The following DGLUCY variants were observed in gnomAD, a reference collection of about 807,000 sequenced individuals.
The protein encoded by DGLUCY is D-glutamate cyclase.
In DGLUCY, 58 loss-of-function variants were observed where a neutral mutation model predicts 58.5. That is an observed-to-expected ratio of 0.99 (90% CI 0.80 to 1.23). The LOEUF is 1.23. DGLUCY is among the 50% of genes most tolerant of loss of function. DGLUCY has a pLI of 0.00. For missense variants in DGLUCY, 779 were observed against 784.7 expected, an observed-to-expected ratio of 0.99 and a Z score of 0.09; for synonymous variants, 325 against 314.1, an observed-to-expected ratio of 1.03 and a Z score of -0.37.
chr14:91,120,138 C>T (rs1296207714), intron 1 of DGLUCY, among the ~76,000 whole-genome samples: 1 of 152,108 alleles, frequency 6.6e-6, no homozygotes, highest in African/African-American at 2.4e-5. Flanking sequence ...CCTGTCCCAT[C>T]TAGAGAACCC....
chr14:91,139,185 G>T (rs1287975602), intron 1 of DGLUCY, among the ~76,000 whole-genome samples: 1 of 152,088 alleles, frequency 6.6e-6, no homozygotes, highest in Admixed American at 6.6e-5. Context: ...AGCACTGATG[G>T]GGCAAATCCC....
Position 91,132,824 on chromosome 14 carries a change from C to G in DGLUCY, c.-82+18541C>G, listed in dbSNP as rs572951574. ...ACTGCAACTCCTCAGTCATCCCTCC[C>G]TTCCCCCAGCCCCTGGCAACTACCA... is the stretch of plus-strand genomic sequence containing the variant. On this transcript the variant is annotated intron_variant, in intron 1 of 13. Transcript: ENST00000256324. Among the ~76,000 whole-genome samples the G allele has an allele frequency of 8.5e-5, 13 of 152,186 alleles. No homozygotes were observed. In the South Asian group the frequency reaches 2.7e-3, roughly 32 times the overall value.
chr14:91,151,188 T>G lies in DGLUCY; in HGVS notation c.-81-6451T>G, dbSNP rs190545526. ...TGAAGAATATTCTACTGTATGTATA[T>G]ACCACATTTTGTTTATCCATAATTT... On this transcript the variant is annotated intron_variant, in intron 1 of 13. Transcript: ENST00000256324. Among the ~76,000 whole-genome samples, 178 of 152,400 alleles carry G rather than the reference T, an allele frequency of 1.2e-3. 1 individual carries two copies. The highest frequency in any genetic ancestry group is 4.2e-3 in the African/African-American group (173 of 41,602).
chr14:91,101,992 C>G (rs889606863), intron 1 of DGLUCY, among the ~76,000 whole-genome samples: 1 of 152,076 alleles, frequency 6.6e-6, no homozygotes, highest in African/African-American at 2.4e-5. Context: ...TATGCCTGGC[C>G]TTAGTGTAGA....
At chr14:91,212,170 T>C (rs1450743101) in intron 12 of DGLUCY, among the ~76,000 whole-genome samples, 1 of 152,184 alleles carries the variant, frequency 6.6e-6, no homozygotes, top group African/African-American at 2.4e-5. Flanking sequence ...TAAGCTGGAC[T>C]TCACTAAAGT....
At chr14:91,133,492 T>C (rs941848974) in intron 1 of DGLUCY, among the ~76,000 whole-genome samples, 2 of 152,200 alleles carry the variant, frequency 1.3e-5, no homozygotes, top group African/African-American at 4.8e-5. Context: ...CCCATTCTTT[T>C]GGGTATATAC....
intron 1 of DGLUCY, among the ~76,000 whole-genome samples, chr14:91,081,761 A>G (rs1291772187): frequency 6.6e-6 from 1 of 151,494 alleles, no homozygotes; most frequent in Non-Finnish European, 1.5e-5. Flanking sequence ...TATTTTTCTC[A>G]GACAGAGTCT....
intron 12 of DGLUCY, among the ~76,000 whole-genome samples, chr14:91,206,338 C>T (rs28394008): frequency 1.4e-4 from 22 of 151,984 alleles, no homozygotes; most frequent in African/African-American, 3.9e-4. Flanking sequence ...TTCCCCTCCC[C>T]GACACATCTT....
In DGLUCY at chr14:91,141,553, A is replaced by ATTT. The variant is rs71120118; in HGVS notation, c.-81-16071_-81-16069dup. 2.0e-3 allele frequency among the ~76,000 whole-genome samples: 278 copies of ATTT among 138,098 alleles called. 5 individuals are homozygous for ATTT. The highest frequency in any genetic ancestry group is 0.011 in the South Asian group (49 of 4,384). The allele number at this position is 138,098 out of a possible 152,430, so 90.6% of individuals were successfully genotyped here. ...ATACAATGGATACTCAGAGAGGTTA[A>ATTT]TTTTTTTTTTTTTTTTTGAAGCGGA... On this transcript the variant is annotated intron_variant, in intron 1 of 13. Coordinates refer to ENST00000256324, the MANE Select transcript of DGLUCY (RefSeq NM_001102368.3).
intron 13 of DGLUCY, among the ~76,000 whole-genome samples, chr14:91,217,078 G>A (rs8020869): frequency 0.016 from 2,396 of 152,290 alleles, 74 homozygotes; most frequent in African/African-American, 0.055. Context: ...GATGGGACCT[G>A]CCCCTCTTGG....
chr14:91,164,753 G>A (rs1417391237), intron 3 of DGLUCY, among the ~76,000 whole-genome samples: 1 of 152,156 alleles, frequency 6.6e-6, no homozygotes, highest in African/African-American at 2.4e-5. Context: ...AATCACCCCT[G>A]TAGCCACCAC....
At chr14:91,060,768 G>C (rs1473092351) in intron 1 of DGLUCY, 4 of 213,686 alleles carry the variant, frequency 1.9e-5, no homozygotes, top group Non-Finnish European at 3.7e-5. Context: ...TGCCAACGCC[G>C]GTTCCCATTG....
At chr14:91,096,135 A>G (rs1160955318) in intron 1 of DGLUCY, among the ~76,000 whole-genome samples, 1 of 152,164 alleles carries the variant, frequency 6.6e-6, no homozygotes, top group South Asian at 2.1e-4. Flanking sequence ...CAAGTGGCCA[A>G]TTGAACCAGT....
At chr14:91,152,780 A>C (rs184185650) in intron 1 of DGLUCY, among the ~76,000 whole-genome samples, 8 of 152,326 alleles carry the variant, frequency 5.3e-5, no homozygotes, top group Admixed American at 5.2e-4. Flanking sequence ...TACAGAAACC[A>C]AAAATGGAGT....
intron 13 of DGLUCY, chr14:91,220,910 G>T: frequency 2.9e-6 from 1 of 349,458 alleles, no homozygotes; most frequent in Non-Finnish European, 5.7e-6. Flanking sequence ...GGAAGCTGAT[G>T]CCTGGGCAGG....
chr14:91,067,872 T>C (rs1377321602), intron 1 of DGLUCY, among the ~76,000 whole-genome samples: 1 of 152,078 alleles, frequency 6.6e-6, no homozygotes, highest in East Asian at 1.9e-4. Flanking sequence ...CTTAATACTA[T>C]TTTTGACCCT....
chr14:91,172,535 C>T (rs1175833125), intron 5 of DGLUCY, among the ~76,000 whole-genome samples: 1 of 152,174 alleles, frequency 6.6e-6, no homozygotes, highest in Non-Finnish European at 1.5e-5. Flanking sequence ...TTCCTGATGT[C>T]TCAAAAATAT....
In DGLUCY at chr14:91,215,539, C is replaced by G. The variant is rs775842122; in HGVS notation, c.1699C>G (p.Leu567Val). 3 of 1,614,030 alleles carry G rather than the reference C, an allele frequency of 1.9e-6. No individual in the cohort carries two copies. Among genetic ancestry groups the G allele is most frequent in the Non-Finnish European group, 2.5e-6 (3 of 1,179,862 alleles). The change falls in exon 13 of 14, where the codon CTC (leucine) becomes GTC (valine). Residue 567 changes from leucine to valine, a missense_variant. Leu to Val is a conservative substitution (Grantham distance 32). Coordinates refer to ENST00000256324, the MANE Select transcript of DGLUCY (RefSeq NM_001102368.3). The stretch of plus-strand genomic sequence containing the variant: ...TGGAGATCAGGCCTGGACTCAGGCC[C>G]TCCCGTCGGTCATTAAGGTAACAAA... The part of the protein sequence containing the change: ...APGDQAWTQA[L>V]PSVIKEEKML...
chr14:91,138,447 C>T (rs1362639772), intron 1 of DGLUCY, among the ~76,000 whole-genome samples: 8 of 151,912 alleles, frequency 5.3e-5, no homozygotes, highest in Non-Finnish European at 5.9e-5. Context: ...GCCAAGATTG[C>T]GCCATTGCAC....
Sources: allele counts gnomAD v4.1 joint callset (sites outside exome capture counted in the v4.1 genomes callset), GRCh38; gene constraint gnomAD v4.1.1; transcripts MANE v1.5; gene names NCBI Gene and HGNC (gene_info 2026-07-23, HGNC 2026-07-21).